Variants in GABRB1 observed in about 807,000 individuals in gnomAD.
The protein encoded by GABRB1 is gamma-aminobutyric acid type A receptor subunit beta1.
GABRB1 carries 17 observed loss-of-function variants against 51.6 expected under a neutral mutation model. The observed-to-expected ratio is 0.33, with a 90% CI of 0.23 to 0.49. The LOEUF (loss-of-function observed/expected upper bound fraction) is 0.49. GABRB1 is among the 20% of genes least tolerant of loss of function. The probability of loss-of-function intolerance (pLI) is 0.99; values close to 1 mark genes in which losing one functional copy is unlikely to be tolerated. For missense variants in GABRB1, 410 were observed against 600.6 expected (o/e 0.68, Z 3.32); for synonymous variants, 247 against 218.9 (o/e 1.13, Z -1.14).
At chr4:47,371,704 T>A (rs2110019562) in intron 5 of GABRB1, among the ~76,000 whole-genome samples, 1 of 152,360 alleles carries the variant, frequency 6.6e-6, no homozygotes, top group South Asian at 2.1e-4. Context: ...TTGAGCTTTT[T>A]TTCATTTGTT....
intron 1 of GABRB1, among the ~76,000 whole-genome samples, chr4:46,998,286 T>C (rs1393846299): frequency 6.6e-6 from 1 of 152,242 alleles, no homozygotes; most frequent in African/African-American, 2.4e-5. Flanking sequence ...TTATTAATTA[T>C]TTTTTTATAA....
chr4:47,068,626 A>G (rs576444290), intron 3 of GABRB1, among the ~76,000 whole-genome samples: 12 of 152,338 alleles, frequency 7.9e-5, no homozygotes, highest in African/African-American at 2.4e-4. Context: ...AGCAATCAGA[A>G]CACACAAAAC....
chr4:47,230,234 T>C (rs1354619445), intron 4 of GABRB1, among the ~76,000 whole-genome samples: 1 of 152,080 alleles, frequency 6.6e-6, no homozygotes, highest in African/African-American at 2.4e-5. Context: ...TGGGAGAATG[T>C]TGCATGACAG....
At chr4:47,322,828 G>T (rs1311478887) in intron 5 of GABRB1, among the ~76,000 whole-genome samples, 2 of 152,026 alleles carry the variant, frequency 1.3e-5, no homozygotes, top group Non-Finnish European at 1.5e-5. Flanking sequence ...AAAATTAGCT[G>T]GGTGCTGGCA....
At chr4:47,128,750 G>A (rs1006529964) in intron 3 of GABRB1, among the ~76,000 whole-genome samples, 2 of 151,882 alleles carry the variant, frequency 1.3e-5, no homozygotes, top group Admixed American at 1.3e-4. Flanking sequence ...ATTTTCAGAG[G>A]GAGTAAATGA....
chr4:47,167,759 C>T (rs1035882142), intron 4 of GABRB1, among the ~76,000 whole-genome samples: 4 of 152,128 alleles, frequency 2.6e-5, no homozygotes, highest in African/African-American at 9.7e-5. Flanking sequence ...TGTGTTTTGT[C>T]TCCCGTGCCC....
intron 3 of GABRB1, among the ~76,000 whole-genome samples, chr4:47,132,815 A>C (rs1716484432): frequency 6.6e-6 from 1 of 152,220 alleles, no homozygotes; most frequent in Admixed American, 6.5e-5. Context: ...TCTCCAGTGC[A>C]ATCATGAGAC....
At chr4:47,047,310 A>G (rs930486558) in intron 3 of GABRB1, among the ~76,000 whole-genome samples, 8 of 152,168 alleles carry the variant, frequency 5.3e-5, no homozygotes, top group Non-Finnish European at 7.4e-5. Flanking sequence ...AACAGAAATT[A>G]AACACATCTA....
At chr4:47,249,893 A>C (rs1721916793) in intron 4 of GABRB1, among the ~76,000 whole-genome samples, 1 of 152,080 alleles carries the variant, frequency 6.6e-6, no homozygotes, top group African/African-American at 2.4e-5. Context: ...GTGGTTCTGT[A>C]TTTTTTATGT....
At chr4:47,155,399 T>C (rs1717644882) in intron 3 of GABRB1, among the ~76,000 whole-genome samples, 2 of 152,070 alleles carry the variant, frequency 1.3e-5, no homozygotes, top group Non-Finnish European at 1.5e-5. Context: ...ACAAGGGCTT[T>C]GGTTCTTTCC....
At chr4:47,008,772 C>A (rs1055327621) in intron 1 of GABRB1, among the ~76,000 whole-genome samples, 3 of 148,506 alleles carry the variant, frequency 2.0e-5, no homozygotes, top group African/African-American at 7.4e-5. Context: ...AGCCACTGCA[C>A]CTAGCCAATA....
At chr4:47,268,318 G>A (rs1343765654) in intron 4 of GABRB1, among the ~76,000 whole-genome samples, 1 of 152,082 alleles carries the variant, frequency 6.6e-6, no homozygotes, top group Non-Finnish European at 1.5e-5. Context: ...TCAGAAAATT[G>A]GCTGTTAGGA....
intron 8 of GABRB1, among the ~76,000 whole-genome samples, chr4:47,420,545 A>G (rs192737563): frequency 2.4e-4 from 37 of 152,334 alleles, no homozygotes; most frequent in African/African-American, 8.9e-4. Context: ...AAAATCTTCA[A>G]TCTGGATTGT....
chr4:47,139,936 A>G (rs990522920), intron 3 of GABRB1, among the ~76,000 whole-genome samples: 1 of 152,044 alleles, frequency 6.6e-6, no homozygotes, highest in African/African-American at 2.4e-5. Context: ...AAAAGTACAT[A>G]TAATTTAAAA....
chr4:47,405,486 T>C (rs1019367326), intron 7 of GABRB1, among the ~76,000 whole-genome samples: 8 of 152,192 alleles, frequency 5.3e-5, no homozygotes, highest in African/African-American at 1.9e-4. Context: ...TACCTTTTCA[T>C]CTCATTGCTT....
chr4:47,359,179 C>A (rs960401887), intron 5 of GABRB1, among the ~76,000 whole-genome samples: 1 of 152,070 alleles, frequency 6.6e-6, no homozygotes, highest in African/African-American at 2.4e-5. Flanking sequence ...GTACTGATGG[C>A]TTTTGGCTGT....
At chr4:47,368,529 T>C (rs935690676) in intron 5 of GABRB1, among the ~76,000 whole-genome samples, 1 of 152,092 alleles carries the variant, frequency 6.6e-6, no homozygotes, top group Non-Finnish European at 1.5e-5. Context: ...AATAATTATC[T>C]AGTACAAAAT....
intron 4 of GABRB1, among the ~76,000 whole-genome samples, chr4:47,195,744 T>G (rs538620338): frequency 1.1e-4 from 16 of 152,360 alleles, no homozygotes; most frequent in Admixed American, 5.2e-4. Flanking sequence ...TATTAAACAC[T>G]TATTAGGTTC....
chr4:47,267,470 T>C (rs1722681943), intron 4 of GABRB1, among the ~76,000 whole-genome samples: 1 of 151,794 alleles, frequency 6.6e-6, no homozygotes, highest in South Asian at 2.1e-4. Flanking sequence ...GATTCAGTCA[T>C]CGAAATGACA....
Sources: gnomAD v4.1 joint callset for allele counts (sites outside exome capture counted in the v4.1 genomes callset) on GRCh38, gnomAD v4.1.1 for gene constraint, MANE v1.5 for transcripts, NCBI Gene and HGNC (gene_info 2026-07-23, HGNC 2026-07-21) for gene names.